Variants in TSHR observed in about 807,000 individuals in gnomAD.
TSHR encodes the protein thyrotropin receptor.
A neutral mutation model predicts 64.1 loss-of-function variants in TSHR; 51 were observed. The ratio of observed to expected loss-of-function variants is 0.80; its 90% CI spans 0.64 to 1.01. The LOEUF (loss-of-function observed/expected upper bound fraction) is 1.01, where lower values mean the gene tolerates loss of function less well. Ranked by LOEUF, TSHR falls within the 50% of genes least tolerant of loss-of-function variation. TSHR has a pLI of 0.00. For synonymous variants in TSHR, 361 were observed against 361.9 expected, an observed-to-expected ratio of 1.00 and a Z score of 0.03; for missense variants, 877 against 942.8, an observed-to-expected ratio of 0.93 and a Z score of 0.91.
At chr14:81,035,560 C>G (rs1017420438) in intron 1 of TSHR, among the ~76,000 whole-genome samples, 4 of 152,108 alleles carry the variant, frequency 2.6e-5, no homozygotes, top group African/African-American at 9.7e-5. Flanking sequence ...AGAACTTCCC[C>G]TCTGAATAAT....
chr14:81,041,674 A>C (rs1884931385), intron 1 of TSHR, among the ~76,000 whole-genome samples: 1 of 152,162 alleles, frequency 6.6e-6, no homozygotes, highest in African/African-American at 2.4e-5. Context: ...CTTAAAAGTT[A>C]AAGAAAAATT....
intron 8 of TSHR, among the ~76,000 whole-genome samples, chr14:81,117,632 T>A (rs893462133): frequency 1.5e-5 from 2 of 133,658 alleles, no homozygotes; most frequent in African/African-American, 3.1e-5. Flanking sequence ...CTGAAACTAT[T>A]CCAATCAATA....
intron 1 of TSHR, among the ~76,000 whole-genome samples, chr14:80,985,064 C>A (rs1888370147): frequency 6.6e-6 from 1 of 152,096 alleles, no homozygotes; most frequent in African/African-American, 2.4e-5. Flanking sequence ...TCCTGGCTAA[C>A]ATGGTGAAAC....
At chr14:81,077,165 T>C (rs1223767305) in intron 3 of TSHR, among the ~76,000 whole-genome samples, 1 of 152,196 alleles carries the variant, frequency 6.6e-6, no homozygotes, top group Non-Finnish European at 1.5e-5. Context: ...TTGAATGCTT[T>C]TTGGTTTAGA....
At position 81,092,539 on chromosome 14, in the gene TSHR, C is replaced by CA; in HGVS notation, c.477dup (p.Asp160ArgfsTer19). On this transcript the variant is annotated frameshift_variant, in exon 6 of 10. Transcript: ENST00000298171. LOFTEE classifies it high-confidence loss of function. ...GTCCCTCTCTCTTGCAGTGAAATTA[C>CA]AGACAACCCTTACATGACGTCAATC... 1 of 1,614,080 alleles carries CA rather than the reference C, an allele frequency of 6.2e-7. No individual in the cohort carries two copies. The highest frequency in any genetic ancestry group is 1.6e-4 in the Middle Eastern group (1 of 6,062).
At position 81,143,115 on chromosome 14, in the gene TSHR, T is replaced by C. The variant is rs747131459; in HGVS notation, c.1057T>C (p.Tyr353His). 6.2e-7 allele frequency: 1 copy of C among 1,614,192 alleles called. No homozygotes were observed. ...GGATACTCATAACAACGCTCATTAT[T>C]ACGTCTTCTTTGAAGAACAAGAGGA... ...FQDTHNNAHY[Y>H]VFFEEQEDEI... The change falls in exon 10 of 10, where the codon TAC becomes CAC. Residue 353 changes from tyrosine to histidine, a missense_variant. Transcript: ENST00000298171.
At chr14:80,988,956 C>T (rs1888602140) in intron 1 of TSHR, among the ~76,000 whole-genome samples, 1 of 152,184 alleles carries the variant, frequency 6.6e-6, no homozygotes, top group Non-Finnish European at 1.5e-5. Context: ...ATACTCATAT[C>T]ACTTGCGCCA....
intron 1 of TSHR, among the ~76,000 whole-genome samples, chr14:81,017,405 C>T: frequency 6.6e-6 from 1 of 152,124 alleles, no homozygotes; most frequent in East Asian, 1.9e-4. Context: ...AACTCAAGGG[C>T]ACCAGGAGTA....
chr14:81,050,699 A>G (rs1031493232), intron 1 of TSHR: 2 of 152,200 alleles, frequency 1.3e-5, no homozygotes, highest in African/African-American at 4.8e-5. Context: ...ACTATTTTTA[A>G]TTGACAAATA....
At chr14:81,130,720 G>T (rs1379064715) in intron 8 of TSHR, among the ~76,000 whole-genome samples, 1 of 90,942 alleles carries the variant, frequency 1.1e-5, no homozygotes, top group Non-Finnish European at 1.9e-5. Flanking sequence ...GGCCGGGCGC[G>T]GTGGCTCACG....
In TSHR at chr14:81,087,991, C is replaced by A; in HGVS notation, c.355C>A (p.Pro119Thr). Residue 119 changes from proline (P) to threonine (T), a missense_variant, in exon 4 of 10, where the codon CCT becomes ACT. Physicochemically the swap from Pro to Thr is conservative, Grantham distance 38. Coordinates refer to ENST00000298171, the MANE Select transcript of TSHR (RefSeq NM_000369.5). ...TACCAGGAACTTAACTTACATAGAC[C>A]CTGATGCCCTCAAAGAGCTCCCCCT... ...RNTRNLTYID[P>T]DALKELPLLK... The A allele has an allele frequency of 6.2e-7, 1 of 1,613,746 alleles. No homozygotes were observed.
intron 1 of TSHR, among the ~76,000 whole-genome samples, chr14:80,997,290 T>C (rs943666608): frequency 6.6e-6 from 1 of 152,220 alleles, no homozygotes; most frequent in East Asian, 1.9e-4. Context: ...ACAAAGCACT[T>C]TAACCTTTAT....
chr14:81,013,148 C>T lies in TSHR; in HGVS notation c.171-49000C>T, dbSNP rs1394805772. 7 of 152,144 alleles carry T rather than the reference C, an allele frequency of 4.6e-5. 1 individual carries two copies. The East Asian group carries it at 1.3e-3, about 29-fold the overall frequency. 9.4% of individuals were successfully genotyped at this position (152,144 alleles called of 1,614,324 possible). A position where few individuals can be genotyped will look rare whatever the true frequency, so the allele number is the denominator to read the frequency against. On this transcript the variant is annotated intron_variant, in intron 1 of 9. Transcript: ENST00000298171. ...GTGTAAGGAAGGGATCCAGTTTCAG[C>T]TTTCTACATATGGCTAGCCCGTTTT...
rs549754820 is a variant in TSHR at position 81,064,876 on chromosome 14, G to A, written c.242+2657G>A. Reference sequence around the variant, plus strand: ...TTAAGAGCATGTGGTCCCTGAAGAGGCAGGAGGGGATGAGATCCAAATAGA... The same window carrying A: ...TTAAGAGCATGTGGTCCCTGAAGAGACAGGAGGGGATGAGATCCAAATAGA... On this transcript the variant is annotated intron_variant, in intron 2 of 9. Coordinates refer to ENST00000298171, the MANE Select transcript of TSHR (RefSeq NM_000369.5). 8.9e-4 allele frequency among the ~76,000 whole-genome samples: 135 copies of A among 152,062 alleles called. 1 individual carries two copies. Among genetic ancestry groups the A allele is most frequent in the African/African-American group, 3.0e-3 (123 of 41,472 alleles).
At chr14:81,114,677 C>A (rs1381830362) in intron 8 of TSHR, among the ~76,000 whole-genome samples, 1 of 152,172 alleles carries the variant, frequency 6.6e-6, no homozygotes, top group Non-Finnish European at 1.5e-5. Flanking sequence ...TGGAGCCCAC[C>A]ACAGCTCAAG....
At chr14:81,037,414 A>C (rs1395342852) in intron 1 of TSHR, among the ~76,000 whole-genome samples, 1 of 145,212 alleles carries the variant, frequency 6.9e-6, no homozygotes, top group African/African-American at 2.6e-5. Flanking sequence ...GGAACAAAGG[A>C]AATACAAAAC....
rs748270594 is a variant in TSHR, at chr14:81,143,954, C to T, written c.1896C>T (p.Thr632=). Residue 632 remains threonine, a synonymous_variant, in exon 10 of 10, where the codon ACC becomes ACT. Coordinates refer to ENST00000298171, the MANE Select transcript of TSHR (RefSeq NM_000369.5). ...IAKRMAVLIF[T]DFICMAPISF... is the part of the protein sequence containing the mutation. ...AGAGGATGGCTGTGTTGATCTTCACCGACTTCATATGCATGGCCCCAATCT... is the reference window on the plus strand; with the variant it reads ...AGAGGATGGCTGTGTTGATCTTCACTGACTTCATATGCATGGCCCCAATCT... 1.4e-5 allele frequency: 22 copies of T among 1,614,116 alleles called. No homozygotes were observed. The highest frequency in any genetic ancestry group is 1.0e-4 in the Admixed American group (6 of 60,010).
intron 1 of TSHR, among the ~76,000 whole-genome samples, chr14:81,015,735 G>A (rs1890146859): frequency 6.6e-6 from 1 of 151,960 alleles, no homozygotes; most frequent in African/African-American, 2.4e-5. Context: ...TATTCCTCCT[G>A]TCTAACCGAA....
intron 1 of TSHR, among the ~76,000 whole-genome samples, chr14:80,989,977 C>T (rs1183990719): frequency 6.6e-6 from 1 of 152,118 alleles, no homozygotes; most frequent in African/African-American, 2.4e-5. Flanking sequence ...CTCTTCCGGA[C>T]CATTAGTGCC....
Sources: gnomAD v4.1 joint callset for allele counts (sites outside exome capture counted in the v4.1 genomes callset) on GRCh38, gnomAD v4.1.1 for gene constraint, MANE v1.5 for transcripts, NCBI Gene and HGNC (gene_info 2026-07-23, HGNC 2026-07-21) for gene names.